The following TRABD2B variants were observed in gnomAD, a reference collection of about 807,000 sequenced individuals.
TRABD2B encodes the protein metalloprotease TIKI2.
TRABD2B carries 14 observed loss-of-function variants against 40.1 expected under a neutral mutation model. That is an observed-to-expected ratio of 0.35 (90% CI 0.23 to 0.55). The LOEUF (loss-of-function observed/expected upper bound fraction) is 0.55. Ranked by LOEUF, TRABD2B falls within the 20% of genes least tolerant of loss-of-function variation. The pLI is 0.90. For synonymous variants in TRABD2B, 263 were observed against 277.0 expected (o/e 0.95, Z 0.50); for missense variants, 541 against 648.6 (o/e 0.83, Z 1.80).
intron 2 of TRABD2B, among the ~76,000 whole-genome samples, chr1:47,829,637 C>T (rs779323089): frequency 1.3e-5 from 2 of 152,188 alleles, no homozygotes; most frequent in African/African-American, 2.4e-5. Flanking sequence ...GGCCACTTTC[C>T]TGGTCCTCCC....
Position 47,778,629 on chromosome 1 carries a change from T to C in TRABD2B, c.989-85A>G, listed in dbSNP as rs552200860. The C allele has an allele frequency of 2.7e-4, 265 of 972,480 alleles. 3 individuals are homozygous for C. In the South Asian group the frequency reaches 3.6e-3, roughly 13 times the overall value. The allele number at this position is 972,480 out of a possible 1,614,324, so 60.2% of individuals were successfully genotyped here. On this transcript the variant is annotated intron_variant, in intron 4 of 6. Transcript: ENST00000606738. ...TGCCCCAGGCCATCCCCTAAGTTTG[T>C]ATCTGGGCCAGTGACCTACACCAAA... is the stretch of plus-strand genomic sequence containing the variant.
At chr1:47,963,677 G>T (rs550471097) in intron 2 of TRABD2B, among the ~76,000 whole-genome samples, 7 of 152,142 alleles carry the variant, frequency 4.6e-5, no homozygotes, top group Non-Finnish European at 8.8e-5. Flanking sequence ...GTTAATTCTG[G>T]CTAAAATTTC....
At position 47,764,561 on chromosome 1, in the gene TRABD2B, A is replaced by G. The variant is rs1569858456; in HGVS notation, c.*1341T>C. ...ACCTCTCAGCCTTTGATTTGGCAGG[A>G]AAGCTTCTCGTGGGCTCCAAGATCT... On this transcript the variant is annotated 3_prime_UTR_variant, in exon 7 of 7. Transcript: ENST00000606738. 6.6e-6 allele frequency: 1 copy of G among 152,136 alleles called. No individual in the cohort carries two copies. The highest frequency in any genetic ancestry group is 2.4e-5 in the African/African-American group (1 of 41,422). 9.4% of individuals were successfully genotyped at this position (152,136 alleles called of 1,614,324 possible).
intron 2 of TRABD2B, among the ~76,000 whole-genome samples, chr1:47,849,346 A>G (rs1227354408): frequency 6.6e-6 from 1 of 152,228 alleles, no homozygotes; most frequent in African/African-American, 2.4e-5. Flanking sequence ...GAACACTGCC[A>G]TCTGTGAACG....
intron 2 of TRABD2B, among the ~76,000 whole-genome samples, chr1:47,915,630 C>G (rs1271299850): frequency 1.3e-5 from 2 of 152,194 alleles, no homozygotes; most frequent in Non-Finnish European, 2.9e-5. Flanking sequence ...ATTCCATGTT[C>G]CCACACTCCC....
Position 47,971,650 on chromosome 1 carries a change from T to G in TRABD2B, c.666+22384A>C, listed in dbSNP as rs186170767. Among the ~76,000 whole-genome samples the G allele has an allele frequency of 3.3e-5, 5 of 152,188 alleles. No individual in the cohort carries two copies. In the East Asian group the frequency reaches 9.6e-4, roughly 29 times the overall value. The stretch of plus-strand genomic sequence containing the variant: ...ACGCAGCCTAATGCCACACCCACAA[T>G]AGGTACTCAATATATGCTCCTGACC... On this transcript the variant is annotated intron_variant, in intron 2 of 6. Coordinates refer to ENST00000606738, the MANE Select transcript of TRABD2B (RefSeq NM_001194986.2).
chr1:47,908,580 C>T (rs1350084198), intron 2 of TRABD2B, among the ~76,000 whole-genome samples: 1 of 152,188 alleles, frequency 6.6e-6, no homozygotes, highest in Non-Finnish European at 1.5e-5. Flanking sequence ...TCCTGTGCCT[C>T]TCCTTCACTC....
At chr1:47,909,501 G>GAGAAGGAGA (rs1557650942) in intron 2 of TRABD2B, among the ~76,000 whole-genome samples, 1 of 114,766 alleles carries the variant, frequency 8.7e-6, no homozygotes, top group East Asian at 4.3e-4. Flanking sequence ...GGAGGAGAAG[G>GAGAAGGAGA]AGGAGAAGGA....
chr1:47,795,789 A>G, intron 3 of TRABD2B: 1 of 769,342 alleles, frequency 1.3e-6, no homozygotes, highest in Non-Finnish European at 1.6e-6. Flanking sequence ...TCCAGGACAT[A>G]ATGCAAATGC....
chr1:47,854,710 T>G (rs1643874033), intron 2 of TRABD2B, among the ~76,000 whole-genome samples: 2 of 152,208 alleles, frequency 1.3e-5, no homozygotes, highest in Non-Finnish European at 2.9e-5. Flanking sequence ...GGAAAGTAGT[T>G]CACCAAAGGT....
At chr1:47,916,196 G>A (rs925309875) in intron 2 of TRABD2B, among the ~76,000 whole-genome samples, 1 of 152,074 alleles carries the variant, frequency 6.6e-6, no homozygotes, top group Non-Finnish European at 1.5e-5. Flanking sequence ...AGCAGCAGAC[G>A]GAGATGAAAT....
intron 2 of TRABD2B, among the ~76,000 whole-genome samples, chr1:47,976,839 AAACTTTT>A (rs1287269362): frequency 6.6e-6 from 1 of 152,186 alleles, no homozygotes; most frequent in Non-Finnish European, 1.5e-5. Flanking sequence ...TTTTTAAATT[AAACTTTT>A]AAGAGAATTG....
chr1:47,975,209 A>G (rs1645738701), intron 2 of TRABD2B, among the ~76,000 whole-genome samples: 1 of 152,266 alleles, frequency 6.6e-6, no homozygotes, highest in Non-Finnish European at 1.5e-5. Flanking sequence ...CCACATTAAC[A>G]TAAGATGCTA....
At chr1:47,961,929 C>T (rs1319666514) in intron 2 of TRABD2B, among the ~76,000 whole-genome samples, 1 of 152,116 alleles carries the variant, frequency 6.6e-6, no homozygotes, top group Non-Finnish European at 1.5e-5. Flanking sequence ...TTTACTGCAG[C>T]ACTATTCACA....
At position 47,948,173 on chromosome 1, in the gene TRABD2B, A is replaced by G. The variant is rs559359037; in HGVS notation, c.666+45861T>C. Among the ~76,000 whole-genome samples, 26 of 152,312 alleles carry G rather than the reference A, an allele frequency of 1.7e-4. No homozygotes were observed. The South Asian group carries it at 5.2e-3, about 30-fold the overall frequency. ...TCAAAGATTCCAAAATAGTGCTAATAGGCTCTGGGACAGTGGGGATAGAGA... is the reference window on the plus strand; with the variant it reads ...TCAAAGATTCCAAAATAGTGCTAATGGGCTCTGGGACAGTGGGGATAGAGA... On this transcript the variant is annotated intron_variant, in intron 2 of 6. Transcript: ENST00000606738.
At chr1:47,877,234 G>A (rs1422565406) in intron 2 of TRABD2B, among the ~76,000 whole-genome samples, 1 of 152,014 alleles carries the variant, frequency 6.6e-6, no homozygotes, top group Non-Finnish European at 1.5e-5. Context: ...AATGTTTCAA[G>A]CACAGCAAAC....
At chr1:47,957,599 G>A (rs1645443343) in intron 2 of TRABD2B, among the ~76,000 whole-genome samples, 1 of 152,142 alleles carries the variant, frequency 6.6e-6, no homozygotes, top group Admixed American at 6.5e-5. Flanking sequence ...CGATCAACTG[G>A]AAGAAAGGGT....
At chr1:47,823,664 TGA>T (rs995155319) in intron 2 of TRABD2B, among the ~76,000 whole-genome samples, 4 of 151,938 alleles carry the variant, frequency 2.6e-5, no homozygotes, top group African/African-American at 7.3e-5. Context: ...AATGGGGTGG[TGA>T]GAGAGAGGCC....
intron 2 of TRABD2B, among the ~76,000 whole-genome samples, chr1:47,983,498 T>C (rs773613130): frequency 1.6e-4 from 24 of 151,464 alleles, no homozygotes; most frequent in Non-Finnish European, 2.8e-4. Context: ...AAAAAAAAAA[T>C]GACAGTCAAG....
Sources: allele counts gnomAD v4.1 joint callset (sites outside exome capture counted in the v4.1 genomes callset), GRCh38; gene constraint gnomAD v4.1.1; transcripts MANE v1.5; gene names NCBI Gene and HGNC (gene_info 2026-07-23, HGNC 2026-07-21).